SPINT2: variants seen among roughly 807,000 people sequenced by gnomAD.
SPINT2 encodes kunitz-type protease inhibitor 2.
In SPINT2, 18 loss-of-function variants were observed where a neutral mutation model predicts 30.1. The ratio of observed to expected loss-of-function variants is 0.60; its 90% CI spans 0.41 to 0.89. The LOEUF is 0.89. Among genes scored for constraint, SPINT2 ranks in the 40% least tolerant of loss-of-function variants. The pLI, the probability that SPINT2 is intolerant of heterozygous loss-of-function variation, is 0.00. For synonymous variants in SPINT2, 139 were observed against 137.9 expected, an observed-to-expected ratio of 1.01 and a Z score of -0.05; for missense variants, 276 against 334.3, an observed-to-expected ratio of 0.83 and a Z score of 1.36.
At position 38,264,802 on chromosome 19, in the gene SPINT2, C is replaced by T; in HGVS notation, c.-91C>T. ...GTCGGCACCTGAACGCGAGGCGCTC[C>T]ATTGCGCGTGCGCGTTGAGGGGCTT... On this transcript the variant is annotated 5_prime_UTR_variant, in exon 1 of 7. Coordinates refer to ENST00000301244, the MANE Select transcript of SPINT2 (RefSeq NM_021102.4). 3.0e-6 allele frequency: 4 copies of T among 1,348,538 alleles called. No individual in the cohort carries two copies. The highest frequency in any genetic ancestry group is 2.5e-4 in the Middle Eastern group (1 of 4,016). 83.5% of individuals were successfully genotyped at this position (1,348,538 alleles called of 1,614,324 possible). A position where few individuals can be genotyped will look rare whatever the true frequency, so the allele number is the denominator to read the frequency against.
chr19:38,268,766 C>CGCGCGCGTGTGTGTGTGTGTGTGT (rs375982086), intron 1 of SPINT2, among the ~76,000 whole-genome samples: 7 of 149,818 alleles, frequency 4.7e-5, no homozygotes, highest in African/African-American at 1.5e-4. Flanking sequence ...TGCGCGCGCG[C>CGCGCGCGTGTGTGTGTGTGTGTGT]GTGTGTGTGT....
At position 38,290,191 on chromosome 19, in the gene SPINT2, G is replaced by A. The variant is rs1968699306; in HGVS notation, c.464G>A (p.Arg155Lys). Residue 155 changes from arginine to lysine, a missense_variant, in exon 5 of 7, where the codon AGG becomes AAG. By Grantham distance (26) the Arg-to-Lys change is conservative. Transcript: ENST00000301244. This position sits in a 1 kb window ranked among gnomAD's most constrained non-coding sequence, Gnocchi z 4.3. ...SFPRWYFDVERNSCNNFIYGG... is the reference protein window; with the variant it reads ...SFPRWYFDVEKNSCNNFIYGG... The stretch of plus-strand genomic sequence containing the variant: ...CCACGCTGGTACTTTGACGTGGAGA[G>A]GAACTCCTGCAATAACTTCATCTAT... The A allele has an allele frequency of 6.2e-7, 1 of 1,612,480 alleles. No individual in the cohort carries two copies. Among genetic ancestry groups the A allele is most frequent in the Non-Finnish European group, 8.5e-7 (1 of 1,180,048 alleles).
At chr19:38,288,919 C>T in intron 3 of SPINT2, 1 of 568,346 alleles carries the variant, frequency 1.8e-6, no homozygotes. Flanking sequence ...CTATAGGAAC[C>T]CTGAGGTGGC....
chr19:38,264,827 T>C lies in SPINT2; in HGVS notation c.-66T>C. The C allele has an allele frequency of 6.7e-7, 1 of 1,491,260 alleles. No homozygotes were observed. The highest frequency in any genetic ancestry group is 9.0e-7 in the Non-Finnish European group (1 of 1,109,666). The allele number at this position is 1,491,260 out of a possible 1,614,324, so 92.4% of individuals were successfully genotyped here. A position where few individuals can be genotyped will look rare whatever the true frequency, so the allele number is the denominator to read the frequency against. ...CATTGCGCGTGCGCGTTGAGGGGCT[T>C]CCCGCACCTGATCGCGAGACCCCAA... On this transcript the variant is annotated 5_prime_UTR_variant, in exon 1 of 7. Transcript: ENST00000301244.
intron 1 of SPINT2, among the ~76,000 whole-genome samples, chr19:38,269,070 C>CTTTTGT (rs373091884): frequency 3.9e-5 from 6 of 151,934 alleles, no homozygotes; most frequent in Non-Finnish European, 8.8e-5. Flanking sequence ...GGCTTAAGGT[C>CTTTTGT]TTTTGTTTTT....
At position 38,264,732 on chromosome 19, in the gene SPINT2, A is replaced by G; in HGVS notation, c.-161A>G. 1.4e-6 allele frequency: 1 copy of G among 702,104 alleles called. No homozygotes were observed. The highest frequency in any genetic ancestry group is 1.8e-5 in the South Asian group (1 of 54,996). The allele number at this position is 702,104 out of a possible 1,614,324, so 43.5% of individuals were successfully genotyped here. A position where few individuals can be genotyped will look rare whatever the true frequency, so the allele number is the denominator to read the frequency against. ...GCGTCCCCACACTGAAGGTCCGGAAAGGCGACTTCCGGGGGCTTTGGCACC... is the reference window on the plus strand; with the variant it reads ...GCGTCCCCACACTGAAGGTCCGGAAGGGCGACTTCCGGGGGCTTTGGCACC... On this transcript the variant is annotated 5_prime_UTR_variant, in exon 1 of 7. Transcript: ENST00000301244.
At chr19:38,280,524 C>A (rs1968568778) in intron 1 of SPINT2, among the ~76,000 whole-genome samples, 1 of 152,100 alleles carries the variant, frequency 6.6e-6, no homozygotes, top group Non-Finnish European at 1.5e-5. Flanking sequence ...GCTCCTGTGT[C>A]TCCTCAGCAC....
At chr19:38,277,033 C>T (rs1006521409) in intron 1 of SPINT2, among the ~76,000 whole-genome samples, 5 of 151,936 alleles carry the variant, frequency 3.3e-5, no homozygotes, top group African/African-American at 2.4e-5. Flanking sequence ...AACTCCTAAC[C>T]CCAGGTGATC....
At chr19:38,276,013 C>T (rs993723109) in intron 1 of SPINT2, among the ~76,000 whole-genome samples, 7 of 152,152 alleles carry the variant, frequency 4.6e-5, no homozygotes, top group Non-Finnish European at 1.0e-4. Flanking sequence ...AGGTGTGAGC[C>T]ACCACGCCCA....
Position 38,291,689 on chromosome 19 carries a change from T to A in SPINT2, c.593-151T>A, listed in dbSNP as rs967249460. On this transcript the variant is annotated intron_variant, in intron 6 of 6. Coordinates refer to ENST00000301244, the MANE Select transcript of SPINT2 (RefSeq NM_021102.4). ...GGCATCTCTGGCAGGCTGTGTCCTC[T>A]CCAGCTGCAGTTCTGGACCCTGTCT... 71 of 924,590 alleles carry A rather than the reference T, an allele frequency of 7.7e-5. No individual in the cohort carries two copies. The Admixed American group carries it at 1.6e-3, about 20-fold the overall frequency. 57.3% of individuals were successfully genotyped at this position (924,590 alleles called of 1,614,324 possible).
intron 2 of SPINT2, among the ~76,000 whole-genome samples, chr19:38,285,814 TGAA>T (rs1968634199): frequency 6.6e-6 from 1 of 152,262 alleles, no homozygotes; most frequent in Non-Finnish European, 1.5e-5. Context: ...TGATTCATTA[TGAA>T]GGAGGACTTG....
chr19:38,265,228 T>G (rs1415321055), intron 1 of SPINT2: 2 of 476,838 alleles, frequency 4.2e-6, no homozygotes, highest in East Asian at 7.6e-5. Flanking sequence ...TTCCTTCGGG[T>G]GGAGGAAGAG....
intron 1 of SPINT2, among the ~76,000 whole-genome samples, chr19:38,281,894 C>T (rs1474534266): frequency 6.6e-6 from 1 of 152,168 alleles, no homozygotes; most frequent in Admixed American, 6.6e-5. Flanking sequence ...CACTCATCTA[C>T]TTCCTGTGTC....
chr19:38,289,773 G>A (rs916966452), intron 4 of SPINT2: 67 of 375,906 alleles, frequency 1.8e-4, no homozygotes, highest in South Asian at 1.4e-3. Context: ...TGAACCTCTC[G>A]CCAGCGGCTT....
Position 38,290,403 on chromosome 19 carries a change from C to CT in SPINT2, c.553+124dup. 6.3e-7 allele frequency: 1 copy of CT among 1,585,688 alleles called. No individual in the cohort carries two copies. Among genetic ancestry groups the CT allele is most frequent in the Non-Finnish European group, 8.6e-7 (1 of 1,165,040 alleles). ...TGGGCCCACCAGGGCAGCAAGGCCT[C>CT]TAAGCCCCAGAAAAGCTGGAAGAAA... On this transcript the variant is annotated intron_variant, in intron 5 of 6. Transcript: ENST00000301244. This position sits in a 1 kb window ranked among gnomAD's most constrained non-coding sequence, Gnocchi z 4.3.
intron 1 of SPINT2, among the ~76,000 whole-genome samples, chr19:38,278,672 G>T (rs1205465734): frequency 6.6e-6 from 1 of 152,064 alleles, no homozygotes; most frequent in Non-Finnish European, 1.5e-5. Context: ...CGTGGTGGTG[G>T]GTGCCTGTAG....
intron 2 of SPINT2, among the ~76,000 whole-genome samples, 186 bp downstream of exon 2, chr19:38,283,983 G>A (rs1383462818): frequency 7.3e-5 from 11 of 150,884 alleles, no homozygotes; most frequent in African/African-American, 2.7e-4. Flanking sequence ...CTGGGACTAC[G>A]GGCACCCACC....
At chr19:38,275,947 G>T (rs575554236) in intron 1 of SPINT2, among the ~76,000 whole-genome samples, 1 of 150,324 alleles carries the variant, frequency 6.7e-6, no homozygotes, top group Non-Finnish European at 1.5e-5. Context: ...GGCTGGTCTC[G>T]AACTCCTGAC....
At chr19:38,287,262 G>A (rs981747875) in intron 2 of SPINT2, among the ~76,000 whole-genome samples, 5 of 152,262 alleles carry the variant, frequency 3.3e-5, no homozygotes, top group African/African-American at 9.6e-5. Flanking sequence ...GCAGTGGTGC[G>A]ATTTCGGCTC....
Sources: gnomAD v4.1 joint callset for allele counts (sites outside exome capture counted in the v4.1 genomes callset) on GRCh38, gnomAD v4.1.1 for gene constraint, Gnocchi (gnomAD v3.1) non-coding constraint, MANE v1.5 for transcripts, NCBI Gene and HGNC (gene_info 2026-07-23, HGNC 2026-07-21) for gene names.